FOXN4: variants seen among roughly 807,000 people sequenced by gnomAD.
The protein encoded by FOXN4 is forkhead box N4.
FOXN4 carries 12 observed loss-of-function variants against 45.0 expected under a neutral mutation model. The ratio of observed to expected loss-of-function variants is 0.27; its 90% confidence interval spans 0.17 to 0.43. The LOEUF is 0.43. FOXN4 is among the 20% of genes least tolerant of loss of function. FOXN4 has a pLI of 1.00. For synonymous variants in FOXN4, 297 were observed against 295.0 expected (o/e 1.01, Z -0.07); for missense variants, 560 against 694.9 (o/e 0.81, Z 2.18).
intron 2 of FOXN4, among the ~76,000 whole-genome samples, chr12:109,307,210 TC>T (rs1417751287): frequency 6.6e-6 from 1 of 152,234 alleles, no homozygotes; most frequent in Non-Finnish European, 1.5e-5. Flanking sequence ...CAGCAGGCAC[TC>T]CTGGTGAGTT....
intron 8 of FOXN4, among the ~76,000 whole-genome samples, chr12:109,283,968 C>G (rs1391747980): frequency 6.6e-6 from 1 of 152,198 alleles, no homozygotes; most frequent in African/African-American, 2.4e-5. Context: ...TTGCTCTTCA[C>G]AGTACACATC....
chr12:109,296,482 G>A (rs1003379331), intron 2 of FOXN4, among the ~76,000 whole-genome samples: 8 of 152,112 alleles, frequency 5.3e-5, no homozygotes, highest in African/African-American at 1.2e-4. Context: ...TTGGATTCCC[G>A]ATTTCTCTGA....
chr12:109,285,217 TG>T (rs1180281290), intron 8 of FOXN4, 86 bp downstream of exon 8: 2 of 1,514,990 alleles, frequency 1.3e-6, no homozygotes, highest in Admixed American at 2.0e-5. Flanking sequence ...CATGCTCTGG[TG>T]GATGTCGGCC....
chr12:109,288,148 C>G lies in FOXN4; in HGVS notation c.265G>C (p.Gly89Arg), dbSNP rs948244639. The change falls in exon 4 of 10, where the codon GGA becomes CGA. Residue 89 changes from glycine to arginine, a missense_variant. Gly to Arg is a moderately radical substitution (Grantham distance 125, BLOSUM62 -2). Around this residue, in one of 5 missense-constraint regions of FOXN4, gnomAD observed 142 missense variants for 185.7 expected, o/e 0.76. Transcript: ENST00000299162. This position sits in a 1 kb window ranked among gnomAD's most constrained non-coding sequence, Gnocchi z 4.3. The part of the protein sequence containing the change: ...ALAGVADLHV[G>R]ATPSPLLHGP... ...TGGAGAAGGGGACTTGGAGTGGCTC[C>G]CACATGCAGGTCGGCCACCCCAGCC... 8.4e-6 allele frequency: 13 copies of G among 1,547,430 alleles called. No homozygotes were observed. The highest frequency in any genetic ancestry group is 1.4e-5 in the African/African-American group (1 of 72,808).
chr12:109,279,458 C>T lies in FOXN4; in HGVS notation c.*213G>A. ...CCTCCATTCTTCTGACTTGGAAGAG[C>T]CCCCAGAAACTGCTCCGGAAGCTCC... On this transcript the variant is annotated 3_prime_UTR_variant, in exon 10 of 10. Coordinates refer to ENST00000299162, the MANE Select transcript of FOXN4 (RefSeq NM_213596.3). 1.5e-6 allele frequency: 1 copy of T among 666,428 alleles called. No homozygotes were observed. The allele number at this position is 666,428 out of a possible 1,614,324, so 41.3% of individuals were successfully genotyped here.
rs368290489 is a variant in FOXN4, at chr12:109,279,737, T to C, written c.1488A>G (p.Ala496=). The C allele has an allele frequency of 1.3e-5, 20 of 1,582,930 alleles. No homozygotes were observed. The highest frequency in any genetic ancestry group is 1.5e-5 in the Non-Finnish European group (17 of 1,165,078). Residue 496 remains alanine (A), a synonymous_variant, in exon 10 of 10, where the codon GCA becomes GCG. Transcript: ENST00000299162. ...ACTGGGAGGAGGAGCTGGTGCCCGA[T>C]GCAGCCACACTGTCCGGAGTGGAGT... The part of the protein sequence containing the change: ...TAYSTPDSVA[A]SGTSSSSQYL...
At position 109,286,747 on chromosome 12, in the gene FOXN4, G is replaced by T. The variant is rs769453483; in HGVS notation, c.597-3C>A. 3.1e-6 allele frequency: 5 copies of T among 1,602,320 alleles called. No homozygotes were observed. The highest frequency in any genetic ancestry group is 4.2e-6 in the Non-Finnish European group (5 of 1,178,920). ...TCAGGGCCATGGCGATCAGACAGCT[G>T]GGGGCAGGAGGTGGGGCAGGGCAGG... On this transcript the variant is annotated splice_region_variant and splice_polypyrimidine_tract_variant and intron_variant, in intron 6 of 9. Coordinates refer to ENST00000299162, the MANE Select transcript of FOXN4 (RefSeq NM_213596.3).
intron 2 of FOXN4, among the ~76,000 whole-genome samples, chr12:109,293,070 C>A (rs1466773610): frequency 6.6e-6 from 1 of 152,148 alleles, no homozygotes; most frequent in African/African-American, 2.4e-5. Context: ...GTTCCCCTTG[C>A]AGGAATGATG....
rs758743281 is a variant in FOXN4, at chr12:109,281,465, G to A, written c.1236C>T (p.Thr412=). ...GGGCATCCACCTCAGTGTTCATGTC[G>A]GTGCTGATGTTGATGAAGTCTACAG... ...RAPVDFINIS[T]DMNTEVDALD... The change falls in exon 9 of 10, where the codon ACC becomes ACT. Residue 412 remains threonine (T), a synonymous_variant. Transcript: ENST00000299162. 1.8e-5 allele frequency: 29 copies of A among 1,613,888 alleles called. No homozygotes were observed. Among genetic ancestry groups the A allele is most frequent in the South Asian group, 1.2e-4 (11 of 91,088 alleles).
chr12:109,282,563 G>A lies in FOXN4; in HGVS notation c.902-764C>T, dbSNP rs143495434. ...TTCACTTAAATCTCATAACAGCCCT[G>A]CAAGAAGGAGGTAAGGCCGCGATTA... is the stretch of plus-strand genomic sequence containing the variant. On this transcript the variant is annotated intron_variant, in intron 8 of 9. Coordinates refer to ENST00000299162, the MANE Select transcript of FOXN4 (RefSeq NM_213596.3). 4.8e-3 allele frequency among the ~76,000 whole-genome samples: 729 copies of A among 152,270 alleles called. 9 individuals are homozygous for A. Among genetic ancestry groups the A allele is most frequent in the African/African-American group, 0.016 (679 of 41,546 alleles).
At chr12:109,285,784 T>G (rs2136919384) in intron 7 of FOXN4, among the ~76,000 whole-genome samples, 1 of 152,294 alleles carries the variant, frequency 6.6e-6, no homozygotes, top group South Asian at 2.1e-4. Context: ...ATCTTCCATA[T>G]TCTCTCTCCC....
intron 2 of FOXN4, among the ~76,000 whole-genome samples, chr12:109,305,382 G>GTTATTA (rs35399235): frequency 1.3e-5 from 2 of 151,676 alleles, no homozygotes; most frequent in African/African-American, 4.8e-5. Context: ...TATTATTGTT[G>GTTATTA]TTATTATTAT....
intron 2 of FOXN4, among the ~76,000 whole-genome samples, chr12:109,304,449 C>G (rs73190638): frequency 0.052 from 7,913 of 152,236 alleles, 260 homozygotes; most frequent in Non-Finnish European, 0.072. Flanking sequence ...CCTCCCACCC[C>G]CTGAGCTAGA....
chr12:109,286,928 C>T (rs897354171), intron 6 of FOXN4, 184 bp from the exon 7 acceptor site: 1 of 1,403,984 alleles, frequency 7.1e-7, no homozygotes, highest in Non-Finnish European at 9.3e-7. Flanking sequence ...CACCCTTTGC[C>T]CTTTCTCCTT....
chr12:109,285,292 T>C lies in FOXN4; in HGVS notation c.901+12A>G. The C allele has an allele frequency of 6.3e-7, 1 of 1,591,592 alleles. No homozygotes were observed. On this transcript the variant is annotated intron_variant, in intron 8 of 9. Coordinates refer to ENST00000299162, the MANE Select transcript of FOXN4 (RefSeq NM_213596.3). Reference sequence around the variant, plus strand: ...GTGTGTGTGCGCGCACTGCGGGCTGTCCGGCCCTCACCAGGGTTGGCCATA... The same window carrying C: ...GTGTGTGTGCGCGCACTGCGGGCTGCCCGGCCCTCACCAGGGTTGGCCATA...
In FOXN4 at chr12:109,291,166, T is replaced by G. The variant is rs1038148161; in HGVS notation, c.87-880A>C. On this transcript the variant is annotated intron_variant, in intron 2 of 9. Coordinates refer to ENST00000299162, the MANE Select transcript of FOXN4 (RefSeq NM_213596.3). The surrounding 1 kb of genome is among the most constrained non-coding windows in gnomAD (Gnocchi z 6.6). ...TGGGCAAAACATCGGTTGTAGTGGA[T>G]GTAGGATAGCTGCCCATGGAGGTGC... Among the ~76,000 whole-genome samples, 1 of 151,964 alleles carries G rather than the reference T, an allele frequency of 6.6e-6. No homozygotes were observed. Among genetic ancestry groups the G allele is most frequent in the Non-Finnish European group, 1.5e-5 (1 of 67,950 alleles).
chr12:109,284,141 A>T (rs956242381), intron 8 of FOXN4, among the ~76,000 whole-genome samples: 4 of 152,242 alleles, frequency 2.6e-5, no homozygotes, highest in African/African-American at 9.6e-5. Flanking sequence ...TATTTTAAAC[A>T]TCTCTGACAA....
At chr12:109,292,927 C>A (rs1566001792) in intron 2 of FOXN4, among the ~76,000 whole-genome samples, 2 of 152,168 alleles carry the variant, frequency 1.3e-5, no homozygotes, top group South Asian at 4.1e-4. Flanking sequence ...TGGGCTGAGT[C>A]AATGGCACTA....
Position 109,279,791 on chromosome 12 carries a change from G to C in FOXN4, c.1434C>G (p.Asp478Glu), listed in dbSNP as rs772704751. The C allele has an allele frequency of 2.5e-6, 4 of 1,608,956 alleles. No homozygotes were observed. Among genetic ancestry groups the C allele is most frequent in the Non-Finnish European group, 3.4e-6 (4 of 1,177,526 alleles). ...ASGGSDQSFP[D>E]LQVTGLYTAY... ...CTGTGTAGAGACCCGTCACCTGCAAGTCTGGGAAGGACTGGTCGCTGCCAC... is the reference window on the plus strand; with the variant it reads ...CTGTGTAGAGACCCGTCACCTGCAACTCTGGGAAGGACTGGTCGCTGCCAC... Residue 478 changes from aspartate (D) to glutamate (E), a missense_variant, in exon 10 of 10, where the codon GAC becomes GAG. By Grantham distance (45) the Asp-to-Glu change is conservative. Coordinates refer to ENST00000299162, the MANE Select transcript of FOXN4 (RefSeq NM_213596.3).
Sources: allele counts gnomAD v4.1 joint callset (sites outside exome capture counted in the v4.1 genomes callset), GRCh38; gene constraint gnomAD v4.1.1; regional missense constraint gnomAD v4.1.1; non-coding constraint Gnocchi (gnomAD v3.1); transcripts MANE v1.5; gene names NCBI Gene and HGNC (gene_info 2026-07-23, HGNC 2026-07-21).